The following LARP4B variants were observed in gnomAD, a reference collection of about 807,000 sequenced individuals.
LARP4B encodes the protein La ribonucleoprotein 4B, also known as la-related protein 4B.
LARP4B carries 12 observed loss-of-function variants against 89.8 expected under a neutral mutation model. The observed-to-expected ratio is 0.13, with a 90% CI of 0.09 to 0.22. The LOEUF (loss-of-function observed/expected upper bound fraction) is 0.22. LARP4B is among the 10% of genes least tolerant of loss of function. LARP4B has a pLI of 1.00. For missense variants in LARP4B, 757 were observed against 947.7 expected (o/e 0.80, Z 2.64); for synonymous variants, 367 against 363.3 (o/e 1.01, Z -0.12).
intron 1 of LARP4B, among the ~76,000 whole-genome samples, chr10:927,665 A>C (rs1837182144): frequency 6.6e-6 from 1 of 152,240 alleles, no homozygotes; most frequent in East Asian, 1.9e-4. Context: ...TCACATCAAT[A>C]AAGTTCTACA....
upstream of LARP4B, among the ~76,000 whole-genome samples, chr10:936,371 C>T (rs529977471): frequency 7.9e-5 from 12 of 152,202 alleles, no homozygotes; most frequent in South Asian, 2.5e-3. Flanking sequence ...GGGCCAGAGA[C>T]AAACCATCCA....
chr10:912,431 C>T (rs1423425904), intron 1 of LARP4B, among the ~76,000 whole-genome samples: 3 of 152,126 alleles, frequency 2.0e-5, no homozygotes, highest in South Asian at 2.1e-4. Flanking sequence ...AGATGCTCTG[C>T]CTTTCATCTG....
chr10:839,026 T>C (rs1228029114), intron 7 of LARP4B, among the ~76,000 whole-genome samples: 1 of 152,192 alleles, frequency 6.6e-6, no homozygotes, highest in Non-Finnish European at 1.5e-5. Flanking sequence ...GGCTACATCC[T>C]ATAGGATCCA....
the LARP4B span, among the ~76,000 whole-genome samples, chr10:945,902 G>A: frequency 4.6e-5 from 7 of 152,192 alleles, no homozygotes; most frequent in Non-Finnish European, 8.8e-5. Flanking sequence ...GTCATGGGAA[G>A]ACACTGCGAG....
At chr10:974,056 G>C in the LARP4B span, among the ~76,000 whole-genome samples, 1 of 152,158 alleles carries the variant, frequency 6.6e-6, no homozygotes, top group Non-Finnish European at 1.5e-5. Flanking sequence ...AGCTCCCTGT[G>C]TCCCAAAGGT....
the LARP4B span, among the ~76,000 whole-genome samples, chr10:948,575 G>A: frequency 2.0e-5 from 3 of 152,218 alleles, no homozygotes; most frequent in Admixed American, 1.3e-4. Context: ...ACAACTGGGG[G>A]ACAATATCAG....
intron 5 of LARP4B, among the ~76,000 whole-genome samples, chr10:846,229 C>T (rs1357711558): frequency 2.0e-5 from 3 of 152,242 alleles, no homozygotes; most frequent in African/African-American, 4.8e-5. Flanking sequence ...CTACTGCAGG[C>T]TCTGTGAATT....
chr10:902,332 C>T (rs1451738552), intron 1 of LARP4B, among the ~76,000 whole-genome samples: 2 of 152,212 alleles, frequency 1.3e-5, no homozygotes. Flanking sequence ...TGCAGCAGTG[C>T]GAATCATGGC....
At chr10:868,434 A>AAAGGC (rs1322290626) in intron 3 of LARP4B, among the ~76,000 whole-genome samples, 1 of 151,908 alleles carries the variant, frequency 6.6e-6, no homozygotes, top group Non-Finnish European at 1.5e-5. Flanking sequence ...TGAAGCTCTG[A>AAAGGC]AAGGCAAGGC....
intron 3 of LARP4B, among the ~76,000 whole-genome samples, chr10:865,914 G>A (rs1405117304): frequency 6.6e-6 from 1 of 152,212 alleles, no homozygotes; most frequent in Non-Finnish European, 1.5e-5. Context: ...CCAGCATGCA[G>A]CATAGACACA....
At chr10:864,910 A>C (rs1159568431) in intron 3 of LARP4B, among the ~76,000 whole-genome samples, 1 of 152,174 alleles carries the variant, frequency 6.6e-6, no homozygotes, top group Non-Finnish European at 1.5e-5. Context: ...CTGAGATCGC[A>C]CCACTGCACC....
the LARP4B span, among the ~76,000 whole-genome samples, chr10:958,398 C>A: frequency 6.6e-6 from 1 of 152,326 alleles, no homozygotes; most frequent in Non-Finnish European, 1.5e-5. Context: ...GCACCACTAC[C>A]TCTCCTGATG....
rs542769071 is a variant in LARP4B, at chr10:820,863, G to A, written c.1485-18C>T. 1 of 1,610,304 alleles carries A rather than the reference G, an allele frequency of 6.2e-7. No individual in the cohort carries two copies. The highest frequency in any genetic ancestry group is 1.7e-5 in the Admixed American group (1 of 59,230). On this transcript the variant is annotated intron_variant, in intron 13 of 17. Coordinates refer to ENST00000316157, the MANE Select transcript of LARP4B (RefSeq NM_015155.3). ...AATTCTTCCTAGAGGAGTGGAAAGT[G>A]AAAGACTGTTATTTTTTTCCCACTT...
At chr10:937,534 A>AC in the LARP4B span, among the ~76,000 whole-genome samples, 3 of 152,078 alleles carry the variant, frequency 2.0e-5, no homozygotes, top group African/African-American at 7.2e-5. Context: ...AATATGTTAG[A>AC]CCCCATCTGA....
chr10:890,814 T>C (rs1245349526), intron 1 of LARP4B, among the ~76,000 whole-genome samples: 1 of 152,118 alleles, frequency 6.6e-6, no homozygotes, highest in African/African-American at 2.4e-5. Flanking sequence ...TAGCTCCCAC[T>C]CCCTGAGGGG....
At chr10:984,845 T>C in the LARP4B span, among the ~76,000 whole-genome samples, 1 of 152,108 alleles carries the variant, frequency 6.6e-6, no homozygotes, top group Non-Finnish European at 1.5e-5. Context: ...AATCTGAGAA[T>C]TGCTTAAACC....
intron 1 of LARP4B, among the ~76,000 whole-genome samples, chr10:898,439 A>G (rs1319921280): frequency 6.6e-6 from 1 of 152,236 alleles, no homozygotes; most frequent in African/African-American, 2.4e-5. Context: ...CTGTATGTGA[A>G]TTTTCAAAGC....
chr10:948,271 A>G, the LARP4B span, among the ~76,000 whole-genome samples: 12 of 152,216 alleles, frequency 7.9e-5, no homozygotes, highest in Admixed American at 7.9e-4. Context: ...GGAATAATAC[A>G]GAGAGGTCTT....
the LARP4B span, among the ~76,000 whole-genome samples, chr10:963,445 A>G: frequency 6.6e-6 from 1 of 152,206 alleles, no homozygotes; most frequent in African/African-American, 2.4e-5. Flanking sequence ...CAACGTGCAG[A>G]ATCTGAATGA....
Sources: allele counts gnomAD v4.1 joint callset (sites outside exome capture counted in the v4.1 genomes callset), GRCh38; gene constraint gnomAD v4.1.1; transcripts MANE v1.5; gene names NCBI Gene and HGNC (gene_info 2026-07-23, HGNC 2026-07-21).